RUFY2: variants seen among roughly 807,000 people sequenced by gnomAD.
The protein encoded by RUFY2 is RUN and FYVE domain-containing protein 2.
A neutral mutation model predicts 94.4 loss-of-function variants in RUFY2; 49 were observed. The ratio of observed to expected loss-of-function variants is 0.52; its 90% CI spans 0.41 to 0.66. The LOEUF is 0.66. Among genes scored for constraint, RUFY2 ranks in the 30% least tolerant of loss-of-function variants. The pLI is 0.00. For synonymous variants in RUFY2, 255 were observed against 235.7 expected, an observed-to-expected ratio of 1.08 and a Z score of -0.75; for missense variants, 541 against 692.8, an observed-to-expected ratio of 0.78 and a Z score of 2.46.
chr10:68,405,712 C>T (rs2051241459), intron 1 of RUFY2: 1 of 983,544 alleles, frequency 1.0e-6, no homozygotes, highest in Non-Finnish European at 1.2e-6. Flanking sequence ...TTCGTCTACC[C>T]TCTTTCTGTC....
At position 68,407,176 on chromosome 10, in the gene RUFY2, C is replaced by G. The variant is rs2051396066; in HGVS notation, c.4+10G>C. On this transcript the variant is annotated intron_variant, in intron 1 of 17. Coordinates refer to ENST00000602465, the MANE Select transcript of RUFY2 (RefSeq NM_001330103.2). Reference sequence around the variant, plus strand: ...GGGCCTAGCGTTCGGTTTCGGCCCGCTCGCCTTACCCATGGCGGCGGCGGC... The same window carrying G: ...GGGCCTAGCGTTCGGTTTCGGCCCGGTCGCCTTACCCATGGCGGCGGCGGC... The G allele has an allele frequency of 6.9e-7, 1 of 1,447,832 alleles. No individual in the cohort carries two copies. The highest frequency in any genetic ancestry group is 2.9e-5 in the East Asian group (1 of 34,322). The allele number at this position is 1,447,832 out of a possible 1,614,324, so 89.7% of individuals were successfully genotyped here. A position where few individuals can be genotyped will look rare whatever the true frequency, so the allele number is the denominator to read the frequency against.
chr10:68,372,166 T>G (rs1292064808), intron 13 of RUFY2, among the ~76,000 whole-genome samples: 1 of 152,122 alleles, frequency 6.6e-6, no homozygotes, highest in African/African-American at 2.4e-5. Context: ...CCTAACACTT[T>G]GGAAGATCAT....
chr10:68,343,062 T>TTG (rs2046059091), downstream of RUFY2: 1 of 152,216 alleles, frequency 6.6e-6, no homozygotes, highest in Non-Finnish European at 1.5e-5. Context: ...TTTAATCCCT[T>TTG]TGATCAATAT....
chr10:68,393,890 C>T (rs1288329348), intron 6 of RUFY2, 185 bp downstream of exon 6: 3 of 1,305,522 alleles, frequency 2.3e-6, no homozygotes, highest in African/African-American at 3.1e-5. Flanking sequence ...ATAAAACCTC[C>T]TTCTCCTAAG....
chr10:68,391,274 G>T (rs2049964651), intron 7 of RUFY2, among the ~76,000 whole-genome samples: 1 of 151,898 alleles, frequency 6.6e-6, no homozygotes, highest in Admixed American at 6.6e-5. Flanking sequence ...AAGAATATTT[G>T]GGGAATACTG....
intron 14 of RUFY2, 89 bp downstream of exon 14, chr10:68,363,895 T>G (rs927429085): frequency 9.2e-7 from 1 of 1,085,476 alleles, no homozygotes; most frequent in African/African-American, 1.6e-5. Flanking sequence ...GTATATCCAT[T>G]TCCTTGGTAT....
intron 1 of RUFY2, chr10:68,406,793 C>G (rs1281686261): frequency 6.2e-7 from 1 of 1,612,620 alleles, no homozygotes; most frequent in South Asian, 1.1e-5. Context: ...CTCCCGCCCT[C>G]GGCGTCAGGC....
At chr10:68,378,482 C>T (rs938365386) in intron 12 of RUFY2, 2 of 1,364,164 alleles carry the variant, frequency 1.5e-6, no homozygotes, top group African/African-American at 3.0e-5. Flanking sequence ...TATTTAATAG[C>T]ATTTAGATTC....
chr10:68,347,305 AAG>A (rs1241967322), intron 16 of RUFY2, among the ~76,000 whole-genome samples: 11 of 144,222 alleles, frequency 7.6e-5, no homozygotes, highest in Admixed American at 4.2e-4. Flanking sequence ...TTTTTTTGAA[AAG>A]AGAGTCTCAC....
downstream of RUFY2, chr10:68,341,490 A>T: frequency 2.0e-6 from 2 of 1,024,662 alleles, no homozygotes; most frequent in Non-Finnish European, 2.9e-6. Context: ...TACTTTGTTT[A>T]ATATTACTTA....
intron 15 of RUFY2, among the ~76,000 whole-genome samples, chr10:68,361,107 C>T (rs1041790930): frequency 4.0e-5 from 6 of 151,886 alleles, no homozygotes; most frequent in African/African-American, 7.3e-5. Flanking sequence ...CATGGTAAAA[C>T]GCTGTCTCTA....
intron 13 of RUFY2, among the ~76,000 whole-genome samples, chr10:68,368,283 AC>A (rs1234921197): frequency 1.3e-5 from 2 of 149,172 alleles, no homozygotes; most frequent in South Asian, 2.1e-4. Flanking sequence ...GTTTTTAACC[AC>A]AGTAATACTT....
intron 7 of RUFY2, among the ~76,000 whole-genome samples, chr10:68,392,232 C>T (rs1431537666): frequency 6.6e-6 from 1 of 151,910 alleles, no homozygotes; most frequent in East Asian, 2.0e-4. Context: ...AAGGTTTCAC[C>T]ATACTGGGCA....
At chr10:68,379,966 C>T (rs1332924360) in intron 11 of RUFY2, among the ~76,000 whole-genome samples, 1 of 151,896 alleles carries the variant, frequency 6.6e-6, no homozygotes, top group Non-Finnish European at 1.5e-5. Flanking sequence ...CGCCACTGCG[C>T]CCAGCTAATT....
chr10:68,406,957 T>C (rs970983225), intron 1 of RUFY2: 1 of 1,548,784 alleles, frequency 6.5e-7, no homozygotes, highest in Non-Finnish European at 8.7e-7. Context: ...CCTCGGCCAC[T>C]ATGCCTCAGA....
At chr10:68,394,170 G>A in intron 5 of RUFY2, 34 bp from the exon 6 acceptor site, 1 of 1,482,166 alleles carries the variant, frequency 6.7e-7, no homozygotes, top group Non-Finnish European at 9.0e-7. Context: ...AATTTAAAGG[G>A]GAGAAAATAC....
At chr10:68,404,634 T>C (rs758886453) in intron 2 of RUFY2, 37 bp downstream of exon 2, 8 of 1,448,794 alleles carry the variant, frequency 5.5e-6, no homozygotes, top group Non-Finnish European at 7.3e-6. Context: ...AAAACGGAAA[T>C]TCTAAAATGA....
chr10:68,359,923 T>C (rs2047343571), intron 15 of RUFY2, among the ~76,000 whole-genome samples: 1 of 152,084 alleles, frequency 6.6e-6, no homozygotes, highest in South Asian at 2.1e-4. Context: ...TGTATACACG[T>C]ATACATATTC....
chr10:68,370,060 G>A (rs922406953), intron 13 of RUFY2, among the ~76,000 whole-genome samples: 9 of 152,086 alleles, frequency 5.9e-5, no homozygotes, highest in African/African-American at 2.2e-4. Context: ...AAGGCAGGTG[G>A]GTCACATGAG....
Sources: allele counts gnomAD v4.1 joint callset (sites outside exome capture counted in the v4.1 genomes callset), GRCh38; gene constraint gnomAD v4.1.1; transcripts MANE v1.5; gene names NCBI Gene and HGNC (gene_info 2026-07-23, HGNC 2026-07-21).